Variants in LRBA observed in about 807,000 individuals in gnomAD.
LRBA encodes the protein lipopolysaccharide-responsive and beige-like anchor protein.
In LRBA, 176 loss-of-function variants were observed where a neutral mutation model predicts 330.0. That is an observed-to-expected ratio of 0.53 (90% CI 0.47 to 0.60). The LOEUF (loss-of-function observed/expected upper bound fraction) is 0.60, where lower values mean the gene tolerates loss of function less well. Ranked by LOEUF, LRBA falls within the 20% of genes least tolerant of loss-of-function variation. The pLI is 0.00. For synonymous variants in LRBA, 1,230 were observed against 1,193.0 expected, an observed-to-expected ratio of 1.03 and a Z score of -0.64; for missense variants, 3,259 against 3,444.8, an observed-to-expected ratio of 0.95 and a Z score of 1.35.
At chr4:150,278,187 A>C (rs1747055228) in intron 55 of LRBA, among the ~76,000 whole-genome samples, 183 bp from the exon 56 acceptor site, 1 of 152,226 alleles carries the variant, frequency 6.6e-6, no homozygotes, top group Non-Finnish European at 1.5e-5. Context: ...CAAATGGACA[A>C]AGTTCATCAA....
chr4:150,956,952 A>T (rs114286186), intron 2 of LRBA, among the ~76,000 whole-genome samples: 4,092 of 149,266 alleles, frequency 0.027, 273 homozygotes, highest in African/African-American at 0.033. Context: ...ATTTTATCTT[A>T]AAATACATAT....
chr4:150,305,320 C>T (rs1730216844), intron 52 of LRBA, among the ~76,000 whole-genome samples: 1 of 152,192 alleles, frequency 6.6e-6, no homozygotes, highest in African/African-American at 2.4e-5. Flanking sequence ...GAAGTCACTG[C>T]TCTGTTTCTC....
At chr4:150,862,627 G>A (rs1752100492) in intron 22 of LRBA, among the ~76,000 whole-genome samples, 1 of 149,940 alleles carries the variant, frequency 6.7e-6, no homozygotes. Flanking sequence ...GTATACATAT[G>A]TAACAAACCT....
rs2290847 is a variant in LRBA at position 150,278,345 on chromosome 4, A to G, written c.8317-341T>C. Among the ~76,000 whole-genome samples the G allele has an allele frequency of 0.5, 75,333 of 152,014 alleles. 19,884 individuals are homozygous for G. The highest frequency in any genetic ancestry group is 0.59 in the South Asian group (2,857 of 4,818). Reference sequence around the variant, plus strand: ...GCATCTCTTCATTTGCACTGCAGACATGCTAATAAGCCTGTTTTGTCCCAA... The same window carrying G: ...GCATCTCTTCATTTGCACTGCAGACGTGCTAATAAGCCTGTTTTGTCCCAA... On this transcript the variant is annotated intron_variant, in intron 55 of 56. Transcript: ENST00000651943.
chr4:150,984,459 A>G (rs1004492835), intron 2 of LRBA, among the ~76,000 whole-genome samples: 1 of 152,122 alleles, frequency 6.6e-6, no homozygotes, highest in Non-Finnish European at 1.5e-5. Flanking sequence ...TGGTGAGTGG[A>G]GATTGCGCCA....
At chr4:150,645,733 G>T (rs964991269) in intron 37 of LRBA, among the ~76,000 whole-genome samples, 8 of 151,676 alleles carry the variant, frequency 5.3e-5, no homozygotes, top group Non-Finnish European at 1.0e-4. Context: ...TCCATAGATG[G>T]ACATTAATAA....
intron 35 of LRBA, among the ~76,000 whole-genome samples, chr4:150,739,419 TACTC>T (rs1214666722): frequency 6.6e-6 from 1 of 152,166 alleles, no homozygotes; most frequent in African/African-American, 2.4e-5. Context: ...GATGGAATCA[TACTC>T]AGTATGTTCT....
intron 7 of LRBA, among the ~76,000 whole-genome samples, 177 bp from the exon 8 acceptor site, chr4:150,915,904 A>G (rs1385634687): frequency 6.6e-6 from 1 of 152,176 alleles, no homozygotes; most frequent in East Asian, 1.9e-4. Context: ...GGGCCTTTCA[A>G]CTGATAAGAA....
chr4:150,470,945 C>G (rs1195735468), intron 43 of LRBA, among the ~76,000 whole-genome samples: 1 of 151,908 alleles, frequency 6.6e-6, no homozygotes, highest in African/African-American at 2.4e-5. Flanking sequence ...ATCTTACACA[C>G]ACAGCCTCCA....
chr4:150,839,194 T>C (rs1748652899), intron 28 of LRBA, among the ~76,000 whole-genome samples: 1 of 152,116 alleles, frequency 6.6e-6, no homozygotes, highest in African/African-American at 2.4e-5. Context: ...TGAGATACCA[T>C]CTCACACCGG....
At chr4:150,701,599 T>C (rs1047772507) in intron 36 of LRBA, among the ~76,000 whole-genome samples, 1 of 152,160 alleles carries the variant, frequency 6.6e-6, no homozygotes, top group Non-Finnish European at 1.5e-5. Context: ...TACCAAAACA[T>C]CATTATGTGG....
In LRBA at chr4:150,613,971, T is replaced by G. The variant is rs575150392; in HGVS notation, c.5922-14840A>C. Among the ~76,000 whole-genome samples the G allele has an allele frequency of 2.0e-5, 3 of 152,318 alleles. No homozygotes were observed. The East Asian group carries it at 5.8e-4, about 29-fold the overall frequency. On this transcript the variant is annotated intron_variant, in intron 37 of 56. Coordinates refer to ENST00000651943, the MANE Select transcript of LRBA (RefSeq NM_001364905.1). The stretch of plus-strand genomic sequence containing the variant: ...CACCCCGCTAGCCCTTCCTCTGACC[T>G]CGTGTCCATAAAACTACCAGAGTCT...
chr4:150,367,690 T>G (rs1378658391), intron 47 of LRBA, among the ~76,000 whole-genome samples: 1 of 152,192 alleles, frequency 6.6e-6, no homozygotes, highest in Non-Finnish European at 1.5e-5. Context: ...CTGTATAAAT[T>G]TAAAAGCTAT....
chr4:150,797,577 G>A (rs1234346265), intron 34 of LRBA, among the ~76,000 whole-genome samples: 1 of 151,926 alleles, frequency 6.6e-6, no homozygotes, highest in East Asian at 1.9e-4. Context: ...TTTGCTCTTA[G>A]GAATTTATTT....
intron 44 of LRBA, among the ~76,000 whole-genome samples, chr4:150,447,491 C>A (rs1424113288): frequency 2.0e-5 from 3 of 152,178 alleles, no homozygotes; most frequent in African/African-American, 7.2e-5. Flanking sequence ...GGGATTTACA[C>A]CATCAGCTCC....
intron 34 of LRBA, among the ~76,000 whole-genome samples, chr4:150,770,078 CA>C (rs1295213571): frequency 1.3e-5 from 2 of 152,184 alleles, no homozygotes; most frequent in Non-Finnish European, 2.9e-5. Flanking sequence ...CAGCATCAAT[CA>C]CCCGATTTGT....
chr4:150,946,503 T>C (rs1736261329), intron 2 of LRBA, among the ~76,000 whole-genome samples: 1 of 152,096 alleles, frequency 6.6e-6, no homozygotes, highest in Admixed American at 6.5e-5. Flanking sequence ...TTGGAAACTA[T>C]TACACTCCTA....
intron 46 of LRBA, among the ~76,000 whole-genome samples, chr4:150,419,876 G>A (rs1748388503): frequency 6.6e-6 from 1 of 151,084 alleles, no homozygotes; most frequent in African/African-American, 2.4e-5. Context: ...GACCTCAGGT[G>A]ATCTGCCTGC....
intron 49 of LRBA, among the ~76,000 whole-genome samples, chr4:150,323,272 C>T (rs915790375): frequency 5.3e-5 from 8 of 151,916 alleles, no homozygotes; most frequent in African/African-American, 1.9e-4. Flanking sequence ...TTTCCAAGTA[C>T]CAAGTCTTAT....
Sources: gnomAD v4.1 joint callset for allele counts (sites outside exome capture counted in the v4.1 genomes callset) on GRCh38, gnomAD v4.1.1 for gene constraint, MANE v1.5 for transcripts, NCBI Gene and HGNC (gene_info 2026-07-23, HGNC 2026-07-21) for gene names.